SEC24A: variants seen among roughly 807,000 people sequenced by gnomAD.
SEC24A encodes the protein protein transport protein Sec24A.
A neutral mutation model predicts 129.4 loss-of-function variants in SEC24A; 93 were observed. The observed-to-expected ratio is 0.72, with a 90% CI of 0.61 to 0.85. The LOEUF is 0.85. Ranked by LOEUF, SEC24A falls within the 40% of genes least tolerant of loss-of-function variation. The probability of loss-of-function intolerance (pLI) is 0.00; values close to 1 mark genes in which losing one functional copy is unlikely to be tolerated. For missense variants in SEC24A, 1,264 were observed against 1,307.4 expected (o/e 0.97, Z 0.51); for synonymous variants, 460 against 467.3 (o/e 0.98, Z 0.20).
At chr5:134,723,273 C>T (rs939534724) in intron 21 of SEC24A, among the ~76,000 whole-genome samples, 1 of 151,936 alleles carries the variant, frequency 6.6e-6, no homozygotes, top group African/African-American at 2.4e-5. Context: ...CGAAATCAGC[C>T]TGGGCAACAT....
Position 134,725,897 on chromosome 5 carries a change from C to T in SEC24A, c.*803C>T, listed in dbSNP as rs1246196976. ...GATAAGAAACTTTAATTATCTTGAT[C>T]CTTTAAGTGGATTTTATTTGGTGCA... is the stretch of plus-strand genomic sequence containing the variant. On this transcript the variant is annotated 3_prime_UTR_variant, in exon 23 of 23. Transcript: ENST00000398844. The T allele has an allele frequency of 1.3e-5, 2 of 152,156 alleles. No individual in the cohort carries two copies. The highest frequency in any genetic ancestry group is 4.8e-5 in the African/African-American group (2 of 41,422). 9.4% of individuals were successfully genotyped at this position (152,156 alleles called of 1,614,324 possible). A position where few individuals can be genotyped will look rare whatever the true frequency, so the allele number is the denominator to read the frequency against.
intron 10 of SEC24A, 121 bp from the exon 11 acceptor site, chr5:134,688,060 T>C: frequency 1.4e-6 from 1 of 713,064 alleles, no homozygotes; most frequent in Non-Finnish European, 2.5e-6. Context: ...AACATTTGTT[T>C]GTGTTGGGCC....
chr5:134,685,295 A>G (rs1456527201), intron 9 of SEC24A, among the ~76,000 whole-genome samples: 1 of 152,036 alleles, frequency 6.6e-6, no homozygotes, highest in African/African-American at 2.4e-5. Flanking sequence ...CAGGAGTTCA[A>G]GGCTGCAGTG....
At chr5:134,665,532 T>C (rs1038975025) in intron 2 of SEC24A, among the ~76,000 whole-genome samples, 9 of 151,984 alleles carry the variant, frequency 5.9e-5, no homozygotes, top group African/African-American at 9.7e-5. Flanking sequence ...CCACTGCTCC[T>C]GGCCCCCTAT....
intron 10 of SEC24A, 36 bp from the exon 11 acceptor site, chr5:134,688,145 A>G: frequency 2.5e-6 from 3 of 1,195,138 alleles, no homozygotes; most frequent in Non-Finnish European, 3.8e-6. Context: ...TATGTGGTTA[A>G]AACTTGATAA....
rs1752067257 is a variant in SEC24A at position 134,703,632 on chromosome 5, C to A, written c.2267-127C>A. On this transcript the variant is annotated intron_variant, in intron 15 of 22. Coordinates refer to ENST00000398844, the MANE Select transcript of SEC24A (RefSeq NM_021982.3). Reference sequence around the variant, plus strand: ...TCAAAAGCCATCTGTTATTCCTTAACCTCACTAAGTACTGTGTATTATCTA... The same window carrying A: ...TCAAAAGCCATCTGTTATTCCTTAAACTCACTAAGTACTGTGTATTATCTA... 4.9e-5 allele frequency: 31 copies of A among 637,058 alleles called. No homozygotes were observed. In the East Asian group the frequency reaches 8.8e-4, roughly 18 times the overall value. The allele number at this position is 637,058 out of a possible 1,614,324, so 39.5% of individuals were successfully genotyped here. A position where few individuals can be genotyped will look rare whatever the true frequency, so the allele number is the denominator to read the frequency against.
At chr5:134,717,816 G>A (rs183397440) in intron 19 of SEC24A, among the ~76,000 whole-genome samples, 11 of 152,230 alleles carry the variant, frequency 7.2e-5, no homozygotes, top group African/African-American at 2.4e-4. Context: ...TCGGGAGGCT[G>A]AGGCAGGAGA....
At chr5:134,655,307 C>CT (rs894038533) in intron 1 of SEC24A, among the ~76,000 whole-genome samples, 56 of 152,194 alleles carry the variant, frequency 3.7e-4, no homozygotes, top group African/African-American at 1.3e-3. Context: ...ATTCTTGCCT[C>CT]TAACTTTCTA....
At chr5:134,723,856 A>T (rs1182195893) in intron 22 of SEC24A, among the ~76,000 whole-genome samples, 186 bp downstream of exon 22, 1 of 152,246 alleles carries the variant, frequency 6.6e-6, no homozygotes, top group African/African-American at 2.4e-5. Context: ...ACTAATAATA[A>T]GTGTATATAT....
Position 134,721,347 on chromosome 5 carries a change from G to A in SEC24A, c.3063+257G>A, listed in dbSNP as rs192441722. Among the ~76,000 whole-genome samples, 31 of 150,702 alleles carry A rather than the reference G, an allele frequency of 2.1e-4. 1 individual carries two copies. In the East Asian group the frequency reaches 4.3e-3, roughly 21 times the overall value. ...TGGGAGGCCAGGGCGGGCTGATCAC[G>A]AGGTCAAGAGATCGAGACCATCCTG... is the stretch of plus-strand genomic sequence containing the variant. On this transcript the variant is annotated intron_variant, in intron 21 of 22. Transcript: ENST00000398844.
At chr5:134,682,908 T>A (rs1188635501) in intron 9 of SEC24A, among the ~76,000 whole-genome samples, 1 of 152,166 alleles carries the variant, frequency 6.6e-6, no homozygotes, top group Non-Finnish European at 1.5e-5. Flanking sequence ...TAATACTTGT[T>A]TATTACTAAA....
intron 1 of SEC24A, among the ~76,000 whole-genome samples, chr5:134,659,045 A>ATTTT (rs1376959719): frequency 1.0e-4 from 10 of 99,272 alleles, no homozygotes; most frequent in South Asian, 5.7e-4. Context: ...TGACCCATTT[A>ATTTT]TTTTTATTTA....
intron 3 of SEC24A, among the ~76,000 whole-genome samples, chr5:134,670,137 G>T (rs558857573): frequency 6.6e-6 from 1 of 152,284 alleles, no homozygotes; most frequent in African/African-American, 2.4e-5. Context: ...ATGTTGCCCA[G>T]GCTGGTGTGA....
intron 19 of SEC24A, among the ~76,000 whole-genome samples, chr5:134,716,472 A>G (rs1752479258): frequency 6.6e-6 from 1 of 151,306 alleles, no homozygotes; most frequent in Admixed American, 6.6e-5. Context: ...TTGTCTAAAA[A>G]AAAAAAAAAA....
At chr5:134,718,248 C>G in intron 20 of SEC24A, 75 bp downstream of exon 20, 2 of 1,004,596 alleles carry the variant, frequency 2.0e-6, no homozygotes, top group Non-Finnish European at 1.6e-6. Context: ...GTTTCATTCC[C>G]TTTAATATCT....
At chr5:134,663,515 T>C (rs1035749356) in intron 2 of SEC24A, among the ~76,000 whole-genome samples, 1 of 152,154 alleles carries the variant, frequency 6.6e-6, no homozygotes, top group Non-Finnish European at 1.5e-5. Context: ...TGGGAAAACA[T>C]TTATTTAAAA....
At chr5:134,709,131 A>G (rs1022048720) in intron 18 of SEC24A, among the ~76,000 whole-genome samples, 5 of 152,112 alleles carry the variant, frequency 3.3e-5, no homozygotes, top group African/African-American at 1.2e-4. Context: ...AGGATGGTTG[A>G]GTCCAGGAGG....
Position 134,674,587 on chromosome 5 carries a change from T to C in SEC24A, c.818-28T>C, listed in dbSNP as rs747278479. The stretch of plus-strand genomic sequence containing the variant: ...AAATCAAGTATTCTGGAGTATAAAA[T>C]AGAACTTAAAAGTTACCTTGTTTCT... On this transcript the variant is annotated intron_variant, in intron 4 of 22. Coordinates refer to ENST00000398844, the MANE Select transcript of SEC24A (RefSeq NM_021982.3). 3 of 1,597,704 alleles carry C rather than the reference T, an allele frequency of 1.9e-6. No homozygotes were observed. In the South Asian group the frequency reaches 3.4e-5, roughly 18 times the overall value.
At chr5:134,651,994 T>A (rs903119918) in intron 1 of SEC24A, among the ~76,000 whole-genome samples, 1 of 150,548 alleles carries the variant, frequency 6.6e-6, no homozygotes, top group Admixed American at 6.7e-5. Context: ...GTGCAATGGC[T>A]CATTGCAACC....
Sources: gnomAD v4.1 joint callset for allele counts (sites outside exome capture counted in the v4.1 genomes callset) on GRCh38, gnomAD v4.1.1 for gene constraint, MANE v1.5 for transcripts, NCBI Gene and HGNC (gene_info 2026-07-23, HGNC 2026-07-21) for gene names.